The following NSD1 variants were observed in gnomAD, a reference collection of about 807,000 sequenced individuals.
NSD1 encodes the protein nuclear receptor binding SET domain protein 1.
In NSD1, 26 loss-of-function variants were observed where a neutral mutation model predicts 242.7. That is an observed-to-expected ratio of 0.11 (90% CI 0.08 to 0.15). The LOEUF (loss-of-function observed/expected upper bound fraction) is 0.15. Among genes scored for constraint, NSD1 ranks in the 10% least tolerant of loss-of-function variants. The probability of loss-of-function intolerance (pLI) is 1.00; values close to 1 mark genes in which losing one functional copy is unlikely to be tolerated. For synonymous variants in NSD1, 1,106 were observed against 1,178.1 expected (o/e 0.94, Z 1.25); for missense variants, 2,495 against 3,272.8 (o/e 0.76, Z 5.80).
In NSD1 at chr5:177,170,290, T is replaced by A. The variant is rs149948805; in HGVS notation, c.928-21594T>A. On this transcript the variant is annotated intron_variant, in intron 2 of 22. Transcript: ENST00000439151. ...CCCAGCTGTGGTGTATAATTTATTTTTTTTTCTTTTTTTGGTGGGAGTCAG... is the reference window on the plus strand; with the variant it reads ...CCCAGCTGTGGTGTATAATTTATTTATTTTTCTTTTTTTGGTGGGAGTCAG... 5.2e-3 allele frequency among the ~76,000 whole-genome samples: 785 copies of A among 152,120 alleles called. 10 individuals carry two copies. Among genetic ancestry groups the A allele is most frequent in the African/African-American group, 0.017 (719 of 41,512 alleles).
chr5:177,254,373 C>T (rs1756248257), intron 12 of NSD1, among the ~76,000 whole-genome samples: 1 of 152,060 alleles, frequency 6.6e-6, no homozygotes, highest in Non-Finnish European at 1.5e-5. Context: ...TTTTGCTTAA[C>T]CCAGTGTCAC....
At chr5:177,274,755 A>G (rs1397653315) in intron 17 of NSD1, among the ~76,000 whole-genome samples, 2 of 150,498 alleles carry the variant, frequency 1.3e-5, no homozygotes, top group Non-Finnish European at 3.0e-5. Flanking sequence ...TGTTTTTGAG[A>G]TGGAGTCTCC....
chr5:177,163,143 T>C (rs868762200), intron 2 of NSD1, among the ~76,000 whole-genome samples: 1 of 88,306 alleles, frequency 1.1e-5, no homozygotes, highest in African/African-American at 4.8e-5. Context: ...GAAATGTCTC[T>C]TTTTTTTTTT....
intron 2 of NSD1, among the ~76,000 whole-genome samples, chr5:177,148,393 C>T (rs940744366): frequency 6.6e-6 from 1 of 152,112 alleles, no homozygotes; most frequent in African/African-American, 2.4e-5. Flanking sequence ...GCTGGGATTA[C>T]AGGCGTGAGC....
intron 2 of NSD1, among the ~76,000 whole-genome samples, chr5:177,150,299 T>G (rs1757599355): frequency 6.6e-6 from 1 of 151,940 alleles, no homozygotes. Flanking sequence ...ACGCCTGGCT[T>G]TTTTGTATTT....
rs1340087043 is a variant in NSD1 at position 177,210,724 on chromosome 5, A to T, written c.2325A>T (p.Gln775His). 2 of 1,614,226 alleles carry T rather than the reference A, an allele frequency of 1.2e-6. No homozygotes were observed. The highest frequency in any genetic ancestry group is 8.5e-7 in the Non-Finnish European group (1 of 1,180,036). ...TAATAAAGGGTGGGGCAGCAAATCAAGCTCTATTACATTCGAAAAGCAAAC... is the reference window on the plus strand; with the variant it reads ...TAATAAAGGGTGGGGCAGCAAATCATGCTCTATTACATTCGAAAAGCAAAC... ...NSLIKGGAANQALLHSKSKQP... is the reference protein window; with the variant it reads ...NSLIKGGAANHALLHSKSKQP... Residue 775 changes from glutamine to histidine, a missense_variant, in exon 5 of 23, where the codon CAA becomes CAT. Coordinates refer to ENST00000439151, the MANE Select transcript of NSD1 (RefSeq NM_022455.5).
At chr5:177,135,020 G>T in intron 1 of NSD1, 67 bp from the exon 2 acceptor site, 1 of 1,405,626 alleles carries the variant, frequency 7.1e-7, no homozygotes, top group South Asian at 1.2e-5. Context: ...TGAAGTGGCT[G>T]CCATTTTAAA....
At chr5:177,150,585 A>G (rs538964448) in intron 2 of NSD1, among the ~76,000 whole-genome samples, 12 of 152,310 alleles carry the variant, frequency 7.9e-5, no homozygotes, top group African/African-American at 2.6e-4. Context: ...TCACATTGCT[A>G]GTGACCTTAT....
In NSD1 at chr5:177,210,241, G is replaced by A. The variant is rs761181063; in HGVS notation, c.1842G>A (p.Val614=). Reference sequence around the variant, plus strand: ...AGAATAAACCCCAACGAAGCCTGGTGTGTGGTTCAAAAGTGAAGCTCTGCT... The same window carrying A: ...AGAATAAACCCCAACGAAGCCTGGTATGTGGTTCAAAAGTGAAGCTCTGCT... The part of the protein sequence containing the change: ...REKNKPQRSL[V]CGSKVKLCYI... Residue 614 remains valine, a synonymous_variant, in exon 5 of 23, where the codon GTG becomes GTA. Transcript: ENST00000439151. 6 of 1,598,188 alleles carry A rather than the reference G, an allele frequency of 3.8e-6. No homozygotes were observed. In the Admixed American group the frequency reaches 7.0e-5, roughly 19 times the overall value.
At chr5:177,149,981 G>A (rs1303748562) in intron 2 of NSD1, among the ~76,000 whole-genome samples, 1 of 151,976 alleles carries the variant, frequency 6.6e-6, no homozygotes, top group East Asian at 1.9e-4. Flanking sequence ...CTGTCACCCA[G>A]GCTAGAGTGC....
Position 177,211,974 on chromosome 5 carries a change from C to G in NSD1, c.3575C>G (p.Pro1192Arg), listed in dbSNP as rs766866985. The change falls in exon 5 of 23, where the codon CCT becomes CGT. Residue 1192 changes from proline (P) to arginine (R), a missense_variant. By Grantham distance (103) the Pro-to-Arg change is moderately radical. This residue lies in a region of NSD1 where 426 missense variants were observed against 411.4 expected (regional missense o/e 1.04). Coordinates refer to ENST00000439151, the MANE Select transcript of NSD1 (RefSeq NM_022455.5). ...NSECAFRVLLPSDPVQEGRDE... is the reference protein window; with the variant it reads ...NSECAFRVLLRSDPVQEGRDE... ...GAGTGTGCCTTTAGGGTCTTACTTC[C>G]TAGTGACCCTGTGCAGGAGGGGCGG... 20 of 1,611,754 alleles carry G rather than the reference C, an allele frequency of 1.2e-5. No homozygotes were observed. The South Asian group carries it at 2.0e-4, about 16-fold the overall frequency.
chr5:177,186,277 G>A (rs1190217445), intron 2 of NSD1, among the ~76,000 whole-genome samples: 2 of 149,554 alleles, frequency 1.3e-5, no homozygotes, highest in South Asian at 2.1e-4. Context: ...CATTACATAG[G>A]GAGACCCTGT....
chr5:177,201,330 C>G (rs1211667068), intron 3 of NSD1, among the ~76,000 whole-genome samples: 1 of 152,112 alleles, frequency 6.6e-6, no homozygotes, highest in Non-Finnish European at 1.5e-5. Context: ...CTGCCTCAGT[C>G]TCCCGAGTAG....
At chr5:177,168,044 C>T (rs1759354490) in intron 2 of NSD1, among the ~76,000 whole-genome samples, 1 of 152,138 alleles carries the variant, frequency 6.6e-6, no homozygotes, top group Non-Finnish European at 1.5e-5. Flanking sequence ...ATCGGGATTC[C>T]ACTGAATCTG....
intron 19 of NSD1, 145 bp from the exon 20 acceptor site, chr5:177,283,642 G>A: frequency 1.1e-6 from 1 of 921,374 alleles, no homozygotes; most frequent in East Asian, 2.5e-5. Context: ...ATCACACTTT[G>A]AGAACCAAAG....
chr5:177,217,640 T>G (rs1369221404), intron 5 of NSD1, among the ~76,000 whole-genome samples: 1 of 151,684 alleles, frequency 6.6e-6, no homozygotes, highest in East Asian at 1.9e-4. Context: ...TTTGTTTGTG[T>G]TTTTGTTTTT....
intron 2 of NSD1, among the ~76,000 whole-genome samples, chr5:177,183,086 G>A: frequency 6.6e-6 from 1 of 152,056 alleles, no homozygotes; most frequent in East Asian, 1.9e-4. Flanking sequence ...CTCAGTTAAG[G>A]GGTAAAATTT....
At chr5:177,241,898 T>C (rs1409640005) in intron 8 of NSD1, among the ~76,000 whole-genome samples, 1 of 152,184 alleles carries the variant, frequency 6.6e-6, no homozygotes. Context: ...TCAAACAGAA[T>C]GAGAGATTGA....
intron 15 of NSD1, among the ~76,000 whole-genome samples, chr5:177,268,436 C>T (rs1169934485): frequency 3.3e-5 from 5 of 151,336 alleles, no homozygotes; most frequent in African/African-American, 1.2e-4. Context: ...ATGTAACAAA[C>T]CACGTTGTGC....
Sources: gnomAD v4.1 joint callset for allele counts (sites outside exome capture counted in the v4.1 genomes callset) on GRCh38, gnomAD v4.1.1 for gene constraint, gnomAD v4.1.1 regional missense constraint, MANE v1.5 for transcripts, NCBI Gene and HGNC (gene_info 2026-07-23, HGNC 2026-07-21) for gene names.